The following MTCL1 variants were observed in gnomAD, a reference collection of about 807,000 sequenced individuals.
The protein encoded by MTCL1 is microtubule cross-linking factor 1.
A neutral mutation model predicts 141.4 loss-of-function variants in MTCL1; 79 were observed. That is an observed-to-expected ratio of 0.56 (90% CI 0.47 to 0.67). MTCL1 has a LOEUF of 0.67. MTCL1 is among the 30% of genes least tolerant of loss of function. The pLI is 0.00. For missense variants in MTCL1, 2,177 were observed against 2,113.9 expected (o/e 1.03, Z -0.59); for synonymous variants, 914 against 875.8 (o/e 1.04, Z -0.77).
At chr18:8,718,692 A>T (rs2096147041) in intron 3 of MTCL1, 44 bp downstream of exon 2, 1 of 1,576,854 alleles carries the variant, frequency 6.3e-7, no homozygotes, top group South Asian at 1.1e-5. Context: ...GCTGCTGTGG[A>T]CCGGCTGGCC....
At chr18:8,772,836 A>G (rs1451373250) in intron 4 of MTCL1, among the ~76,000 whole-genome samples, 2 of 152,100 alleles carry the variant, frequency 1.3e-5, no homozygotes, top group Non-Finnish European at 2.9e-5. Context: ...AGTATACAAC[A>G]TGAGGACTAT....
chr18:8,725,778 TTTTTTTTTTTTC>T (rs1427729418), intron 4 of MTCL1, among the ~76,000 whole-genome samples: 2 of 50,182 alleles, frequency 4.0e-5, no homozygotes, highest in Admixed American at 3.3e-4. Flanking sequence ...GCCATTTTCT[TTTTTTTTTTTTC>T]TTTTTTTTTT....
At position 8,705,931 on chromosome 18, in the gene MTCL1, C is replaced by T; in HGVS notation, c.271C>T (p.Leu91=). The T allele has an allele frequency of 4.6e-6, 5 of 1,087,382 alleles. No individual in the cohort carries two copies. The highest frequency in any genetic ancestry group is 5.6e-6 in the Non-Finnish European group (5 of 897,812). 67.4% of individuals were successfully genotyped at this position (1,087,382 alleles called of 1,614,324 possible). A position where few individuals can be genotyped will look rare whatever the true frequency, so the allele number is the denominator to read the frequency against. ...CAAAGCGCCGCCCTCGCCGGGGTCC[C>T]TGGCCGCGCCCGGCCGCCTCTCTCG... Residue 91 remains leucine (L), a synonymous_variant, in exon 1 of 14, where the codon CTG becomes TTG. Transcript: ENST00000306329. The surrounding 1 kb of genome is among the most constrained non-coding windows in gnomAD (Gnocchi z 5.2).
At position 8,828,789 on chromosome 18, in the gene MTCL1, C is replaced by T. The variant is rs2144542696; in HGVS notation, c.4723-119C>T. ...GTCTCTCCTGGTGGCTACCCCTGAG[C>T]GAGAGGGATGGTCCTCTACCTCCGG... On this transcript the variant is annotated intron_variant, in intron 15 of 16. Transcript: ENST00000359865. The surrounding 1 kb of genome is among the most constrained non-coding windows in gnomAD (Gnocchi z 5.2). 1.2e-5 allele frequency: 18 copies of T among 1,517,484 alleles called. No homozygotes were observed. The highest frequency in any genetic ancestry group is 2.4e-5 in the East Asian group (1 of 42,346). The allele number at this position is 1,517,484 out of a possible 1,614,324, so 94.0% of individuals were successfully genotyped here.
At chr18:8,722,136 C>G (rs1451198915) in intron 4 of MTCL1, among the ~76,000 whole-genome samples, 1 of 84,052 alleles carries the variant, frequency 1.2e-5, no homozygotes, top group Non-Finnish European at 3.1e-5. Flanking sequence ...TACTTCCCTC[C>G]TGTTCCTTTG....
intron 4 of MTCL1, among the ~76,000 whole-genome samples, chr18:8,745,930 T>C (rs1371990154): frequency 6.6e-6 from 1 of 152,198 alleles, no homozygotes; most frequent in Non-Finnish European, 1.5e-5. Context: ...CACCATTCTA[T>C]TTTCTACCTC....
chr18:8,718,509 G>A (rs781726051), exon 3 of MTCL1: 28 of 1,614,024 alleles, frequency 1.7e-5, no homozygotes, highest in African/African-American at 5.3e-5. Context: ...CAGGAACTTC[G>A]GCGAGAACTG....
intron 4 of MTCL1, among the ~76,000 whole-genome samples, chr18:8,744,870 C>G (rs527966607): frequency 1.3e-5 from 2 of 152,200 alleles, no homozygotes; most frequent in African/African-American, 2.4e-5. Context: ...CTCCACCCCC[C>G]GGAAGTTCCC....
At chr18:8,784,212 A>C (rs569641118) in exon 6 of MTCL1, 24 of 1,612,282 alleles carry the variant, frequency 1.5e-5, no homozygotes, top group Admixed American at 5.0e-5. Flanking sequence ...TCCAACATCC[A>C]GCGCTGCGAC....
chr18:8,784,248 C>A lies in MTCL1; in HGVS notation c.1136C>A (p.Ala379Asp), dbSNP rs746035252. The change falls in exon 6 of 17, where the codon GCC becomes GAC. Residue 379 changes from alanine (A) to aspartate (D), a missense_variant. Ala to Asp is a moderately radical substitution (Grantham distance 126, BLOSUM62 -2). Coordinates refer to ENST00000359865, the Ensembl canonical transcript of MTCL1. ...CTGGCAGCCCACCTGGGGCTGCGTG[C>A]CCCCAGTCCCCGGGACAGCGATGCC... 1.9e-6 allele frequency: 3 copies of A among 1,606,108 alleles called. No homozygotes were observed. The highest frequency in any genetic ancestry group is 2.6e-6 in the Non-Finnish European group (3 of 1,174,200).
At chr18:8,776,973 G>A (rs1236829487) in intron 4 of MTCL1, among the ~76,000 whole-genome samples, 7 of 151,984 alleles carry the variant, frequency 4.6e-5, no homozygotes, top group East Asian at 1.9e-4. Context: ...GGTGGCTCAC[G>A]CCTGCAATCC....
chr18:8,720,560 G>A (rs1329945491), intron 4 of MTCL1, 64 bp downstream of exon 3: 1 of 1,512,410 alleles, frequency 6.6e-7, no homozygotes, highest in Non-Finnish European at 9.0e-7. Flanking sequence ...GGAACTCCAA[G>A]TGCCCCCTTC....
rs748228384 is a variant in MTCL1, at chr18:8,825,657, C to T, written c.4147C>T (p.Arg1383Cys). 15 of 1,613,724 alleles carry T rather than the reference C, an allele frequency of 9.3e-6. No homozygotes were observed. In the South Asian group the frequency reaches 9.9e-5, roughly 11 times the overall value. ...CGAGAAGGTGCAGGCCAAGTTTGAA[C>T]GCACATGCTGCTCCCCCAAGTATGG... The change falls in exon 15 of 17, where the codon CGC becomes TGC. Residue 1383 changes from arginine (R) to cysteine (C), a missense_variant. Arg to Cys is a radical substitution (Grantham distance 180). Coordinates refer to ENST00000359865, the Ensembl canonical transcript of MTCL1.
rs150891940 is a variant in MTCL1 at position 8,819,831 on chromosome 18, G to T, written c.3156+572G>T. Among the ~76,000 whole-genome samples, 1,228 of 152,086 alleles carry T rather than the reference G, an allele frequency of 8.1e-3. 14 individuals carry two copies. The highest frequency in any genetic ancestry group is 0.029 in the African/African-American group (1,183 of 41,490). On this transcript the variant is annotated intron_variant, in intron 13 of 16. Coordinates refer to ENST00000359865, the Ensembl canonical transcript of MTCL1. ...TCCCTATGTTGCCCAAGCTGGTCTC[G>T]AACTCCTGGGCTCAAGTGATCTGTC... is the stretch of plus-strand genomic sequence containing the variant.
At chr18:8,766,522 C>T (rs1368992474) in intron 4 of MTCL1, among the ~76,000 whole-genome samples, 2 of 152,208 alleles carry the variant, frequency 1.3e-5, no homozygotes, top group Non-Finnish European at 2.9e-5. Flanking sequence ...ACTGATCCTG[C>T]TTTTCAACAT....
chr18:8,792,215 C>T (rs1186715898), intron 7 of MTCL1, among the ~76,000 whole-genome samples: 9 of 152,190 alleles, frequency 5.9e-5, no homozygotes, highest in Non-Finnish European at 8.8e-5. Context: ...GCTTACATTT[C>T]GATGATGCCT....
intron 4 of MTCL1, among the ~76,000 whole-genome samples, chr18:8,757,768 A>G (rs1387479101): frequency 1.3e-5 from 2 of 152,206 alleles, no homozygotes; most frequent in African/African-American, 4.8e-5. Flanking sequence ...ACAGTTTTTG[A>G]AAGCAATAGG....
At chr18:8,734,820 G>A (rs73939516) in intron 4 of MTCL1, among the ~76,000 whole-genome samples, 10,438 of 152,234 alleles carry the variant, frequency 0.069, 973 homozygotes, top group African/African-American at 0.21. Flanking sequence ...CCCTACATCA[G>A]ACCCTGGGGG....
intron 4 of MTCL1, among the ~76,000 whole-genome samples, chr18:8,764,706 T>G (rs2149018985): frequency 6.6e-6 from 1 of 152,322 alleles, no homozygotes; most frequent in South Asian, 2.1e-4. Flanking sequence ...ATCCATGTCC[T>G]TAATTCACCT....
Sources: allele counts gnomAD v4.1 joint callset (sites outside exome capture counted in the v4.1 genomes callset), GRCh38; gene constraint gnomAD v4.1.1; non-coding constraint Gnocchi (gnomAD v3.1); transcripts MANE v1.5; gene names NCBI Gene and HGNC (gene_info 2026-07-23, HGNC 2026-07-21).